The following TLK1 variants were observed in gnomAD, a reference collection of about 807,000 sequenced individuals.
TLK1 encodes the protein tousled like kinase 1.
A neutral mutation model predicts 105.3 loss-of-function variants in TLK1; 24 were observed. That is an observed-to-expected ratio of 0.23 (90% CI 0.17 to 0.32). TLK1 has a LOEUF of 0.32. Among genes scored for constraint, TLK1 ranks in the 10% least tolerant of loss-of-function variants. TLK1 has a pLI of 1.00. For missense variants in TLK1, 558 were observed against 910.5 expected (o/e 0.61, Z 4.98); for synonymous variants, 321 against 310.4 (o/e 1.03, Z -0.36).
chr2:170,994,483 A>AT lies in TLK1; in HGVS notation c.2125-528dup, dbSNP rs907534594. Among the ~76,000 whole-genome samples, 570 of 134,874 alleles carry AT rather than the reference A, an allele frequency of 4.2e-3. 4 individuals carry two copies. Among genetic ancestry groups the AT allele is most frequent in the African/African-American group, 0.014 (500 of 35,708 alleles). The allele number at this position is 134,874 out of a possible 152,430, so 88.5% of individuals were successfully genotyped here. A position where few individuals can be genotyped will look rare whatever the true frequency, so the allele number is the denominator to read the frequency against. On this transcript the variant is annotated intron_variant, in intron 20 of 20. Coordinates refer to ENST00000431350, the MANE Select transcript of TLK1 (RefSeq NM_012290.5). ...GCTAAATAAACAGAATATAATCACT[A>AT]TTTTTTTTTTCTCAAACCAATTTTA...
At chr2:171,099,168 C>T (rs1257026038) in intron 2 of TLK1, among the ~76,000 whole-genome samples, 1 of 152,032 alleles carries the variant, frequency 6.6e-6, no homozygotes, top group East Asian at 1.9e-4. Flanking sequence ...AGAAAGGTTG[C>T]AAGACACAAG....
intron 12 of TLK1, among the ~76,000 whole-genome samples, chr2:171,026,128 T>G (rs1272811762): frequency 3.3e-5 from 5 of 152,144 alleles, no homozygotes; most frequent in Non-Finnish European, 7.4e-5. Flanking sequence ...CTCAGTAAAT[T>G]TGATAAAAGC....
At chr2:171,002,006 T>C (rs558758128) in intron 18 of TLK1, among the ~76,000 whole-genome samples, 2 of 152,182 alleles carry the variant, frequency 1.3e-5, no homozygotes, top group African/African-American at 2.4e-5. Flanking sequence ...CTCGATCTCT[T>C]GACCTCATGA....
At chr2:171,135,211 A>C in intron 1 of TLK1, among the ~76,000 whole-genome samples, 1 of 152,090 alleles carries the variant, frequency 6.6e-6, no homozygotes, top group East Asian at 1.9e-4. Flanking sequence ...AATAGCTAAA[A>C]GAATAAATTT....
At chr2:170,997,602 C>T (rs896680388) in intron 19 of TLK1, 110 bp downstream of exon 19, 11 of 560,738 alleles carry the variant, frequency 2.0e-5, no homozygotes, top group African/African-American at 1.7e-4. Flanking sequence ...GCCTGGCTTT[C>T]TTTAGAAGGA....
At chr2:171,079,043 T>G (rs1020210611) in intron 3 of TLK1, among the ~76,000 whole-genome samples, 1 of 152,174 alleles carries the variant, frequency 6.6e-6, no homozygotes, top group Non-Finnish European at 1.5e-5. Flanking sequence ...TACCAGAAGT[T>G]TGAAAACCAG....
intron 1 of TLK1, among the ~76,000 whole-genome samples, chr2:171,196,902 G>A (rs758268539): frequency 7.9e-5 from 12 of 152,124 alleles, no homozygotes; most frequent in Non-Finnish European, 1.3e-4. Flanking sequence ...GTTATTTTAT[G>A]TTTTGCTTTG....
intron 2 of TLK1, among the ~76,000 whole-genome samples, chr2:171,089,286 C>T (rs968748712): frequency 3.3e-5 from 5 of 152,178 alleles, no homozygotes; most frequent in Admixed American, 6.5e-5. Flanking sequence ...AACGTAGTTA[C>T]ATTTATCAAA....
At chr2:171,209,611 T>A (rs1693574403) in intron 1 of TLK1, among the ~76,000 whole-genome samples, 1 of 152,188 alleles carries the variant, frequency 6.6e-6, no homozygotes, top group Non-Finnish European at 1.5e-5. Context: ...TTCCCATATC[T>A]CATAATGTGA....
At chr2:171,109,143 G>C (rs1317613820) in intron 2 of TLK1, among the ~76,000 whole-genome samples, 1 of 152,128 alleles carries the variant, frequency 6.6e-6, no homozygotes, top group Non-Finnish European at 1.5e-5. Context: ...GATACGCCAA[G>C]TTGACAATGC....
intron 1 of TLK1, among the ~76,000 whole-genome samples, chr2:171,221,266 A>C (rs1029766661): frequency 2.0e-5 from 3 of 152,160 alleles, no homozygotes; most frequent in African/African-American, 4.8e-5. Context: ...CCCACTTTTC[A>C]TCTGGGGAAC....
intron 4 of TLK1, 106 bp downstream of exon 4, chr2:171,060,975 T>C: frequency 8.6e-7 from 1 of 1,162,992 alleles, no homozygotes; most frequent in Non-Finnish European, 1.2e-6. Flanking sequence ...CACACCAAAA[T>C]TTACAACTTC....
At chr2:170,995,330 A>G (rs1684003380) in intron 20 of TLK1, among the ~76,000 whole-genome samples, 1 of 152,026 alleles carries the variant, frequency 6.6e-6, no homozygotes, top group Non-Finnish European at 1.5e-5. Context: ...GAGATATTAT[A>G]TATTACATTA....
At chr2:171,111,976 C>G (rs973086711) in intron 2 of TLK1, among the ~76,000 whole-genome samples, 1 of 152,040 alleles carries the variant, frequency 6.6e-6, no homozygotes, top group Non-Finnish European at 1.5e-5. Context: ...TTTTTTGAGA[C>G]AGTCTTGCTC....
intron 1 of TLK1, among the ~76,000 whole-genome samples, chr2:171,145,562 A>G (rs1691759041): frequency 6.6e-6 from 1 of 151,364 alleles, no homozygotes; most frequent in Non-Finnish European, 1.5e-5. Flanking sequence ...AGCACTCCAG[A>G]CTGGGCAACA....
At chr2:171,185,293 C>A (rs1053498475) in intron 1 of TLK1, among the ~76,000 whole-genome samples, 3 of 152,154 alleles carry the variant, frequency 2.0e-5, no homozygotes, top group Non-Finnish European at 4.4e-5. Context: ...TTATCCTCCT[C>A]CAGTTCATTT....
intron 1 of TLK1, among the ~76,000 whole-genome samples, chr2:171,210,215 C>T (rs1264986477): frequency 3.3e-5 from 5 of 152,008 alleles, no homozygotes; most frequent in East Asian, 1.9e-4. Flanking sequence ...TGTATTATAG[C>T]GGCCCCTCTG....
At chr2:171,083,620 T>G (rs781329858) in intron 2 of TLK1, among the ~76,000 whole-genome samples, 61 of 152,184 alleles carry the variant, frequency 4.0e-4, no homozygotes, top group Admixed American at 2.3e-3. Context: ...AGAATTAACA[T>G]TACATACAGG....
At chr2:171,071,299 T>C (rs1027548026) in intron 3 of TLK1, among the ~76,000 whole-genome samples, 2 of 152,104 alleles carry the variant, frequency 1.3e-5, no homozygotes, top group Non-Finnish European at 2.9e-5. Flanking sequence ...TTGTCCTTTT[T>C]TTTTTTGACA....
Sources: allele counts gnomAD v4.1 joint callset (sites outside exome capture counted in the v4.1 genomes callset), GRCh38; gene constraint gnomAD v4.1.1; transcripts MANE v1.5; gene names NCBI Gene and HGNC (gene_info 2026-07-23, HGNC 2026-07-21).